Variants in COL17A1 observed in about 807,000 individuals in gnomAD.
COL17A1 encodes collagen alpha-1(XVII) chain.
A neutral mutation model predicts 218.4 loss-of-function variants in COL17A1; 181 were observed. The observed-to-expected ratio is 0.83, with a 90% CI of 0.73 to 0.94. The LOEUF (loss-of-function observed/expected upper bound fraction) is 0.94. Among genes scored for constraint, COL17A1 ranks in the 40% least tolerant of loss-of-function variants. The pLI, the probability that COL17A1 is intolerant of heterozygous loss-of-function variation, is 0.00. For synonymous variants in COL17A1, 721 were observed against 731.0 expected, an observed-to-expected ratio of 0.99 and a Z score of 0.22; for missense variants, 1,924 against 1,945.9, an observed-to-expected ratio of 0.99 and a Z score of 0.21.
At chr10:104,035,445 T>C in intron 49 of COL17A1, 29 bp downstream of exon 49, 1 of 1,613,604 alleles carries the variant, frequency 6.2e-7, no homozygotes, top group Non-Finnish European at 8.5e-7. Context: ...CCCCAACCAG[T>C]TGGACAGATG....
chr10:104,064,368 T>C lies in COL17A1; in HGVS notation c.766+70A>G, dbSNP rs1170717064. The C allele has an allele frequency of 3.7e-6, 6 of 1,609,788 alleles. No homozygotes were observed. The East Asian group carries it at 1.3e-4, about 36-fold the overall frequency. ...CTGAGGATGGCAAACATTCTGAGGG[T>C]CATCCAGCTCCAGGATAGAGGCATG... On this transcript the variant is annotated intron_variant, in intron 10 of 55. Transcript: ENST00000648076.
At chr10:104,076,656 G>T (rs1310835562) in intron 4 of COL17A1, among the ~76,000 whole-genome samples, 2 of 152,208 alleles carry the variant, frequency 1.3e-5, no homozygotes, top group Non-Finnish European at 2.9e-5. Flanking sequence ...GAAATGGAAA[G>T]GATTTGGCAG....
At chr10:104,062,627 A>G (rs1192193483) in intron 11 of COL17A1, among the ~76,000 whole-genome samples, 1 of 152,208 alleles carries the variant, frequency 6.6e-6, no homozygotes, top group Admixed American at 6.5e-5. Context: ...TCAAAATTTT[A>G]AAATATCATA....
Position 104,085,080 on chromosome 10 carries a change from C to T in COL17A1, c.-12+643G>A, listed in dbSNP as rs118103474. ...AAGTTGACTCGTAAGAGTATATATA[C>T]GGGAAACAATTTTCTTCCTTTTTTT... is the stretch of plus-strand genomic sequence containing the variant. On this transcript the variant is annotated intron_variant, in intron 1 of 55. Coordinates refer to ENST00000648076, the MANE Select transcript of COL17A1 (RefSeq NM_000494.4). Among the ~76,000 whole-genome samples the T allele has an allele frequency of 9.8e-3, 1,492 of 152,244 alleles. 61 individuals carry two copies. The East Asian group carries it at 0.1, about 10-fold the overall frequency.
At chr10:104,077,570 G>T in intron 3 of COL17A1, 44 bp from the exon 4 acceptor site, 3 of 1,514,498 alleles carry the variant, frequency 2.0e-6, no homozygotes, top group Non-Finnish European at 2.7e-6. Context: ...GTGGAGTCAG[G>T]CCAGAGGATC....
chr10:104,050,980 A>G, intron 25 of COL17A1, 79 bp from the exon 26 acceptor site: 1 of 1,603,750 alleles, frequency 6.2e-7, no homozygotes, highest in Non-Finnish European at 8.5e-7. Context: ...ACACACATGC[A>G]CACATACAGG....
At chr10:104,039,883 CCTTT>C in intron 41 of COL17A1, 86 bp downstream of exon 41, 1 of 1,554,408 alleles carries the variant, frequency 6.4e-7, no homozygotes, top group Non-Finnish European at 8.9e-7. Context: ...GCACCAGGTG[CCTTT>C]CTATCAAGCT....
rs753369198 is a variant in COL17A1, at chr10:104,053,081, C to G, written c.1889G>C (p.Gly630Ala). Residue 630 changes from glycine to alanine, a missense_variant, in exon 23 of 56, where the codon GGA becomes GCA. Physicochemically the swap from Gly to Ala is moderately conservative, Grantham distance 60. Transcript: ENST00000648076. ...AGGAGGCCCTGCCTCACCACGAGGT[C>G]CCATGGGGCCTTCTCGCCCTCTCTG... The part of the protein sequence containing the change: ...MGQRGREGPM[G>A]PRGEAGPPGS... 6.2e-7 allele frequency: 1 copy of G among 1,614,022 alleles called. No homozygotes were observed. Among genetic ancestry groups the G allele is most frequent in the Non-Finnish European group, 8.5e-7 (1 of 1,180,036 alleles).
rs1181276009 is a variant in COL17A1, at chr10:104,041,527, A to G, written c.2563T>C (p.Leu855=). 6.2e-7 allele frequency: 1 copy of G among 1,613,032 alleles called. No individual in the cohort carries two copies. Among genetic ancestry groups the G allele is most frequent in the Non-Finnish European group, 8.5e-7 (1 of 1,179,186 alleles). The change falls in exon 37 of 56, where the codon TTA becomes CTA. Residue 855 remains leucine (L), a synonymous_variant. Coordinates refer to ENST00000648076, the MANE Select transcript of COL17A1 (RefSeq NM_000494.4). The stretch of plus-strand genomic sequence containing the variant: ...CCGGGTGGGCCTGGGGGACCTTGTA[A>G]ATTAAGAACTTCTATAGAGAGAAGA... The part of the protein sequence containing the change: ...GLPGHQEVLN[L]QGPPGPPGPR...
At chr10:104,052,993 G>A (rs568466818) in intron 23 of COL17A1, 38 bp downstream of exon 23, 2 of 1,606,614 alleles carry the variant, frequency 1.2e-6, no homozygotes, top group East Asian at 2.2e-5. Context: ...GGAAGCACAG[G>A]CATAGCTAAC....
intron 33 of COL17A1, among the ~76,000 whole-genome samples, chr10:104,044,355 G>A (rs187189483): frequency 6.6e-6 from 1 of 152,324 alleles, no homozygotes; most frequent in East Asian, 1.9e-4. Context: ...TTATATAAAG[G>A]TTAACAAGAT....
At chr10:104,074,512 T>C (rs979087069) in intron 5 of COL17A1, among the ~76,000 whole-genome samples, 2 of 152,214 alleles carry the variant, frequency 1.3e-5, no homozygotes, top group African/African-American at 4.8e-5. Flanking sequence ...GTTTCTTTCT[T>C]TTTTGTTCAG....
chr10:104,078,742 T>C (rs892900463), intron 2 of COL17A1, among the ~76,000 whole-genome samples, 156 bp from the exon 3 acceptor site: 1 of 152,246 alleles, frequency 6.6e-6, no homozygotes, highest in Non-Finnish European at 1.5e-5. Flanking sequence ...TCTGACCCAC[T>C]GTGCAAAAAG....
intron 36 of COL17A1, among the ~76,000 whole-genome samples, 198 bp from the exon 37 acceptor site, chr10:104,041,736 G>A (rs2086361574): frequency 6.6e-6 from 1 of 152,162 alleles, no homozygotes; most frequent in Admixed American, 6.5e-5. Context: ...GGCAGGGCAG[G>A]ACCATAGTCA....
intron 9 of COL17A1, among the ~76,000 whole-genome samples, chr10:104,069,102 A>C (rs1436915830): frequency 6.6e-6 from 1 of 152,200 alleles, no homozygotes; most frequent in Non-Finnish European, 1.5e-5. Flanking sequence ...GAGAATAAAC[A>C]AAAAAGTAGT....
Position 104,039,300 on chromosome 10 carries a change from C to T in COL17A1, c.2896+145G>A, listed in dbSNP as rs2086333851. 3 of 1,061,828 alleles carry T rather than the reference C, an allele frequency of 2.8e-6. No individual in the cohort carries two copies. In the South Asian group the frequency reaches 4.0e-5, roughly 14 times the overall value. The allele number at this position is 1,061,828 out of a possible 1,614,324, so 65.8% of individuals were successfully genotyped here. A position where few individuals can be genotyped will look rare whatever the true frequency, so the allele number is the denominator to read the frequency against. ...TATCACCATGTCCTTGTCCCTTCCA[C>T]CCTCTGGCCTTTCCTTCCTCCAGCC... On this transcript the variant is annotated intron_variant, in intron 43 of 55. Transcript: ENST00000648076.
rs1397448561 is a variant in COL17A1, at chr10:104,080,682, C to T, written c.-9G>A. The T allele has an allele frequency of 1.2e-6, 2 of 1,613,180 alleles. No individual in the cohort carries two copies. The highest frequency in any genetic ancestry group is 3.3e-5 in the Admixed American group (2 of 60,026). On this transcript the variant is annotated splice_region_variant and 5_prime_UTR_variant, in exon 2 of 56. Transcript: ENST00000648076. ...TTCTTGGTTACATCCATACCATAGC[C>T]ACCTGCAGGAAAAATCAGAAACCAT... is the stretch of plus-strand genomic sequence containing the variant.
intron 9 of COL17A1, among the ~76,000 whole-genome samples, chr10:104,068,415 A>G (rs2086644322): frequency 6.6e-6 from 1 of 152,252 alleles, no homozygotes; most frequent in Admixed American, 6.5e-5. Flanking sequence ...AATAAATGGT[A>G]AAAAACACAA....
chr10:104,078,825 T>C (rs1254860450), intron 2 of COL17A1, among the ~76,000 whole-genome samples: 7 of 152,236 alleles, frequency 4.6e-5, no homozygotes, highest in African/African-American at 1.4e-4. Flanking sequence ...AAAGAAGTTA[T>C]GCACTGCGTT....
Sources: gnomAD v4.1 joint callset for allele counts (sites outside exome capture counted in the v4.1 genomes callset) on GRCh38, gnomAD v4.1.1 for gene constraint, MANE v1.5 for transcripts, NCBI Gene and HGNC (gene_info 2026-07-23, HGNC 2026-07-21) for gene names.